The following DAB2IP variants were observed in gnomAD, a reference collection of about 807,000 sequenced individuals.
The protein encoded by DAB2IP is disabled homolog 2-interacting protein.
In DAB2IP, 28 loss-of-function variants were observed where a neutral mutation model predicts 107.2. The ratio of observed to expected loss-of-function variants is 0.26; its 90% confidence interval spans 0.19 to 0.36. The LOEUF (loss-of-function observed/expected upper bound fraction) is 0.36, where lower values mean the gene tolerates loss of function less well. DAB2IP is among the 10% of genes least tolerant of loss of function. DAB2IP has a pLI of 1.00. For synonymous variants in DAB2IP, 755 were observed against 706.4 expected (o/e 1.07, Z -1.09); for missense variants, 1,400 against 1,644.7 (o/e 0.85, Z 2.57).
At chr9:121,659,908 T>A (rs1402794933) in intron 1 of DAB2IP, among the ~76,000 whole-genome samples, 1 of 152,126 alleles carries the variant, frequency 6.6e-6, no homozygotes. Context: ...GTCTCACTGG[T>A]ACTTGTTCAG....
At chr9:121,735,566 T>C (rs1831839563) in intron 3 of DAB2IP, among the ~76,000 whole-genome samples, 1 of 152,152 alleles carries the variant, frequency 6.6e-6, no homozygotes, top group Non-Finnish European at 1.5e-5. Flanking sequence ...AGGACCTAGG[T>C]GGGACTCCAG....
At chr9:121,774,378 T>C in exon 13 of DAB2IP, 1 of 1,612,228 alleles carries the variant, frequency 6.2e-7, no homozygotes, top group Non-Finnish European at 8.5e-7. Context: ...AGGGATAGGC[T>C]AAGGAGTAAG....
At chr9:121,602,367 G>A (rs1830710739) in intron 1 of DAB2IP, among the ~76,000 whole-genome samples, 1 of 152,014 alleles carries the variant, frequency 6.6e-6, no homozygotes, top group South Asian at 2.1e-4. Flanking sequence ...TTCTAGGATT[G>A]GTGTGCCTTA....
chr9:121,773,619 C>T, intron 12 of DAB2IP, 124 bp downstream of exon 12: 1 of 1,228,308 alleles, frequency 8.1e-7, no homozygotes, highest in Non-Finnish European at 1.0e-6. Flanking sequence ...CATCCCATCC[C>T]ACCAGCCTGC....
intron 10 of DAB2IP, among the ~76,000 whole-genome samples, chr9:121,769,353 G>T (rs529028376): frequency 6.6e-6 from 1 of 152,324 alleles, no homozygotes; most frequent in East Asian, 1.9e-4. Flanking sequence ...CTGTGCATGT[G>T]TAAGCGCACA....
intron 1 of DAB2IP, chr9:121,598,258 C>T (rs1023029784): frequency 1.3e-5 from 2 of 152,324 alleles, no homozygotes; most frequent in African/African-American, 4.8e-5. Flanking sequence ...GCAGGCCCGT[C>T]CCCAGCGGCC....
chr9:121,751,024 C>T (rs1030297451), intron 3 of DAB2IP: 10 of 170,670 alleles, frequency 5.9e-5, no homozygotes, highest in African/African-American at 2.4e-4. Flanking sequence ...CCGGTCCTTC[C>T]TTCCCCACCT....
At chr9:121,768,984 A>AC (rs1373259526) in intron 10 of DAB2IP, among the ~76,000 whole-genome samples, 2 of 152,056 alleles carry the variant, frequency 1.3e-5, no homozygotes, top group African/African-American at 4.8e-5. Flanking sequence ...AAGACCCTGT[A>AC]CCTCCACTTG....
rs554789050 is a variant in DAB2IP at position 121,637,378 on chromosome 9, C to T, written c.41-41300C>T. 1.7e-4 allele frequency among the ~76,000 whole-genome samples: 26 copies of T among 152,338 alleles called. 3 individuals carry two copies. In the South Asian group the frequency reaches 5.0e-3, roughly 29 times the overall value. On this transcript the variant is annotated intron_variant, in intron 1 of 16. Coordinates refer to the DAB2IP transcript ENST00000259371. ...ACCTCCCTATATTTCAGAGAAGCCA[C>T]TTCGTCCGTGAAACGGTTCCGATGG...
chr9:121,779,932 T>C (rs1317529415), intron 14 of DAB2IP, among the ~76,000 whole-genome samples: 1 of 152,262 alleles, frequency 6.6e-6, no homozygotes, highest in Non-Finnish European at 1.5e-5. Context: ...GTGAGGCTGC[T>C]GACTCCGCCT....
At chr9:121,703,588 A>G (rs1478946798) in intron 3 of DAB2IP, among the ~76,000 whole-genome samples, 2 of 152,242 alleles carry the variant, frequency 1.3e-5, no homozygotes, top group African/African-American at 4.8e-5. Context: ...TGTTGAAGAC[A>G]TTAACATTAA....
chr9:121,678,097 C>T (rs892314896), intron 1 of DAB2IP, among the ~76,000 whole-genome samples: 1 of 152,340 alleles, frequency 6.6e-6, no homozygotes. Context: ...CTATCCATTC[C>T]TAAAACTCTT....
intron 1 of DAB2IP, among the ~76,000 whole-genome samples, chr9:121,658,671 G>T (rs571471876): frequency 6.6e-6 from 1 of 152,026 alleles, no homozygotes; most frequent in South Asian, 2.1e-4. Context: ...TAATAATAAC[G>T]AGAAAAAAAA....
chr9:121,721,588 A>C (rs1830936811), intron 3 of DAB2IP, among the ~76,000 whole-genome samples: 1 of 152,238 alleles, frequency 6.6e-6, no homozygotes, highest in Non-Finnish European at 1.5e-5. Context: ...ATTTGGTGGC[A>C]GGCCTTTGGA....
chr9:121,757,256 C>T, intron 4 of DAB2IP, 90 bp downstream of exon 4: 14 of 1,508,288 alleles, frequency 9.3e-6, no homozygotes, highest in South Asian at 6.6e-5. Flanking sequence ...GTCCAGTCTG[C>T]TGTGGCCTCA....
chr9:121,654,959 G>C (rs916468556), intron 1 of DAB2IP, among the ~76,000 whole-genome samples: 2 of 152,198 alleles, frequency 1.3e-5, no homozygotes, highest in Admixed American at 1.3e-4. Context: ...TGGCCAGGCT[G>C]GGGGAAGGGA....
chr9:121,746,156 G>A (rs1403166708), intron 3 of DAB2IP, among the ~76,000 whole-genome samples: 5 of 152,074 alleles, frequency 3.3e-5, no homozygotes, highest in Non-Finnish European at 5.9e-5. Flanking sequence ...CCAGGAAGAA[G>A]CCAGGAGCAT....
chr9:121,711,144 C>T (rs952501615), intron 3 of DAB2IP, among the ~76,000 whole-genome samples: 1 of 152,198 alleles, frequency 6.6e-6, no homozygotes, highest in African/African-American at 2.4e-5. Context: ...TGTTGTCTTT[C>T]GTACCTCTGC....
intron 1 of DAB2IP, among the ~76,000 whole-genome samples, chr9:121,605,630 A>G (rs1426934518): frequency 1.3e-5 from 2 of 152,080 alleles, no homozygotes; most frequent in African/African-American, 4.8e-5. Context: ...TCCCTAGAGT[A>G]TCTGGGACTA....
Sources: allele counts gnomAD v4.1 joint callset (sites outside exome capture counted in the v4.1 genomes callset), GRCh38; gene constraint gnomAD v4.1.1; transcripts MANE v1.5; gene names NCBI Gene and HGNC (gene_info 2026-07-23, HGNC 2026-07-21).